EPS15: variants seen among roughly 807,000 people sequenced by gnomAD.
EPS15 encodes epidermal growth factor receptor substrate 15.
Under a neutral mutation model 113.8 loss-of-function variants are expected in EPS15, and 72 were observed. The observed-to-expected ratio is 0.63, with a 90% CI of 0.52 to 0.77. The LOEUF (loss-of-function observed/expected upper bound fraction) is 0.77. EPS15 is among the 30% of genes least tolerant of loss of function. EPS15 has a pLI of 0.00. For synonymous variants in EPS15, 344 were observed against 363.4 expected (o/e 0.95, Z 0.61); for missense variants, 1,048 against 1,045.8 (o/e 1.00, Z -0.03).
At chr1:51,508,328 A>AAGAG (rs1348988023) in intron 1 of EPS15, among the ~76,000 whole-genome samples, 1 of 85,354 alleles carries the variant, frequency 1.2e-5, no homozygotes, top group African/African-American at 4.2e-5. Flanking sequence ...GAAAGAGAGA[A>AAGAG]AGAGAAAGAG....
intron 1 of EPS15, among the ~76,000 whole-genome samples, chr1:51,495,272 T>C (rs758868710): frequency 5.9e-5 from 9 of 152,202 alleles, no homozygotes; most frequent in Non-Finnish European, 1.2e-4. Flanking sequence ...GAATTGATGT[T>C]TCCTGTCACA....
At position 51,405,840 on chromosome 1, in the gene EPS15, T is replaced by C. The variant is rs138304248; in HGVS notation, c.1677+65A>G. ...GGCCATGTATTTATATTAGATATAATGTCAGTGAAACTTGGATCTGCACAA... is the reference window on the plus strand; with the variant it reads ...GGCCATGTATTTATATTAGATATAACGTCAGTGAAACTTGGATCTGCACAA... On this transcript the variant is annotated intron_variant, in intron 16 of 24. Coordinates refer to ENST00000371733, the MANE Select transcript of EPS15 (RefSeq NM_001981.3). 7.8e-5 allele frequency: 102 copies of C among 1,306,542 alleles called. No homozygotes were observed. In the African/African-American group the frequency reaches 1.3e-3, roughly 16 times the overall value. 80.9% of individuals were successfully genotyped at this position (1,306,542 alleles called of 1,614,324 possible).
At chr1:51,399,590 GGCTCACACCTGTAA>G (rs1401512263) in intron 19 of EPS15, among the ~76,000 whole-genome samples, 1 of 152,008 alleles carries the variant, frequency 6.6e-6, no homozygotes, top group African/African-American at 2.4e-5. Flanking sequence ...CAGGTGCAGT[GGCTCACACCTGTAA>G]TTCCAGCACT....
intron 1 of EPS15, among the ~76,000 whole-genome samples, chr1:51,491,728 A>T (rs1234124690): frequency 6.6e-6 from 1 of 152,000 alleles, no homozygotes; most frequent in Non-Finnish European, 1.5e-5. Context: ...AAGGCAAATC[A>T]CCTGGGCAGT....
chr1:51,405,130 T>C (rs1485088271), intron 16 of EPS15, among the ~76,000 whole-genome samples: 1 of 152,188 alleles, frequency 6.6e-6, no homozygotes, highest in East Asian at 1.9e-4. Flanking sequence ...CTGTCCTAAC[T>C]GAAAATTCTG....
intron 12 of EPS15, among the ~76,000 whole-genome samples, chr1:51,426,123 A>G (rs902374547): frequency 5.3e-5 from 8 of 152,018 alleles, no homozygotes; most frequent in African/African-American, 1.9e-4. Flanking sequence ...AAGTCACCTT[A>G]CATCACTGTA....
chr1:51,487,139 G>T (rs1190705160), intron 1 of EPS15, among the ~76,000 whole-genome samples: 1 of 152,078 alleles, frequency 6.6e-6, no homozygotes, highest in African/African-American at 2.4e-5. Context: ...AGTATAAAAT[G>T]TAACTCTGCA....
chr1:51,454,049 CAAAAAAAAAAAAA>C (rs376428827), intron 8 of EPS15, among the ~76,000 whole-genome samples: 14 of 88,214 alleles, frequency 1.6e-4, no homozygotes, highest in Admixed American at 3.0e-4. Context: ...GACTTTGTTT[CAAAAAAAAAAAAA>C]AAAAAAAAAA....
chr1:51,411,734 C>T (rs918523016), intron 13 of EPS15, among the ~76,000 whole-genome samples: 2 of 152,086 alleles, frequency 1.3e-5, no homozygotes, highest in Non-Finnish European at 1.5e-5. Flanking sequence ...TGTGGAGAAA[C>T]AGGAACGCTT....
chr1:51,479,202 T>C (rs1643974213), intron 2 of EPS15, among the ~76,000 whole-genome samples: 1 of 152,244 alleles, frequency 6.6e-6, no homozygotes, highest in Non-Finnish European at 1.5e-5. Context: ...TTCATTTCAT[T>C]CGAGCTTCAA....
intron 1 of EPS15, among the ~76,000 whole-genome samples, chr1:51,486,581 T>C (rs1644127695): frequency 6.6e-6 from 1 of 152,206 alleles, no homozygotes; most frequent in Non-Finnish European, 1.5e-5. Flanking sequence ...ATCCTGTCTC[T>C]ATAAAAAATG....
chr1:51,382,358 T>G (rs1326111445), intron 21 of EPS15: 1 of 152,032 alleles, frequency 6.6e-6, no homozygotes, highest in Non-Finnish European at 1.5e-5. Context: ...ACAGGGAAGG[T>G]TAGCATGGCC....
rs1654402172 is a variant in EPS15 at position 51,461,078 on chromosome 1, T to C, written c.561+13A>G. ...TAAGATAATGAAGATGTTAAGAACA[T>C]TAGATTACTTACAACTGCAAACTCA... On this transcript the variant is annotated intron_variant, in intron 8 of 24. Coordinates refer to ENST00000371733, the MANE Select transcript of EPS15 (RefSeq NM_001981.3). 1 of 1,539,422 alleles carries C rather than the reference T, an allele frequency of 6.5e-7. No homozygotes were observed. The highest frequency in any genetic ancestry group is 2.2e-5 in the East Asian group (1 of 44,486).
intron 12 of EPS15, among the ~76,000 whole-genome samples, chr1:51,422,510 A>T (rs150236171): frequency 6.6e-6 from 1 of 152,380 alleles, no homozygotes; most frequent in East Asian, 1.9e-4. Flanking sequence ...CCACAGCAGC[A>T]TTTATCTCTT....
At chr1:51,395,744 C>T (rs948910182) in intron 20 of EPS15, among the ~76,000 whole-genome samples, 4 of 152,166 alleles carry the variant, frequency 2.6e-5, no homozygotes, top group Admixed American at 1.3e-4. Context: ...AACTGAGTTT[C>T]CTCTTTCTGG....
chr1:51,480,708 C>T lies in EPS15; in HGVS notation c.75+565G>A, dbSNP rs187096625. On this transcript the variant is annotated intron_variant, in intron 2 of 24. Coordinates refer to ENST00000371733, the MANE Select transcript of EPS15 (RefSeq NM_001981.3). ...TTGTATTTTAGTAGAGACAGGGTTT[C>T]ACCATGTTGGCCAGCCTGGTCTTGA... Among the ~76,000 whole-genome samples the T allele has an allele frequency of 3.3e-3, 509 of 152,246 alleles. 9 individuals are homozygous for T. Among genetic ancestry groups the T allele is most frequent in the Admixed American group, 0.019 (298 of 15,296 alleles).
chr1:51,502,416 TACGTATGCTTC>T (rs1333802282), intron 1 of EPS15, among the ~76,000 whole-genome samples: 1 of 152,208 alleles, frequency 6.6e-6, no homozygotes, highest in Non-Finnish European at 1.5e-5. Flanking sequence ...TGATTATACA[TACGTATGCTTC>T]AGGTACAAGA....
rs928843775 is a variant in EPS15 at position 51,403,604 on chromosome 1, C to T, written c.1678-72G>A. On this transcript the variant is annotated intron_variant, in intron 16 of 24. Coordinates refer to ENST00000371733, the MANE Select transcript of EPS15 (RefSeq NM_001981.3). ...GGCAGAGAAAACTGACTAAAGATAA[C>T]CAAAAACTATTTAAAAATAAAAAAA... The T allele has an allele frequency of 4.2e-6, 3 of 722,208 alleles. No individual in the cohort carries two copies. In the African/African-American group the frequency reaches 5.5e-5, roughly 13 times the overall value. The allele number at this position is 722,208 out of a possible 1,614,324, so 44.7% of individuals were successfully genotyped here.
intron 1 of EPS15, among the ~76,000 whole-genome samples, chr1:51,484,224 C>G (rs1252913621): frequency 2.0e-5 from 3 of 151,986 alleles, no homozygotes; most frequent in Non-Finnish European, 4.4e-5. Flanking sequence ...TCCCAGCATC[C>G]CATTCAGCTT....
Sources: gnomAD v4.1 joint callset for allele counts (sites outside exome capture counted in the v4.1 genomes callset) on GRCh38, gnomAD v4.1.1 for gene constraint, MANE v1.5 for transcripts, NCBI Gene and HGNC (gene_info 2026-07-23, HGNC 2026-07-21) for gene names.